Variants in ZC3HAV1 observed in about 807,000 individuals in gnomAD.
ZC3HAV1 encodes zinc finger CCCH-type containing, antiviral 1.
A neutral mutation model predicts 86.6 loss-of-function variants in ZC3HAV1; 41 were observed. That is an observed-to-expected ratio of 0.47 (90% CI 0.37 to 0.61). The LOEUF (loss-of-function observed/expected upper bound fraction) is 0.61, where lower values mean the gene tolerates loss of function less well. Among genes scored for constraint, ZC3HAV1 ranks in the 20% least tolerant of loss-of-function variants. The pLI is 0.00. For missense variants in ZC3HAV1, 964 were observed against 1,141.1 expected (o/e 0.84, Z 2.24); for synonymous variants, 421 against 432.1 (o/e 0.97, Z 0.32).
intron 12 of ZC3HAV1, chr7:139,049,584 G>A (rs180723875): frequency 2.0e-5 from 3 of 152,546 alleles, no homozygotes; most frequent in Non-Finnish European, 4.4e-5. Context: ...GTGGCAGGGG[G>A]AGCTTAGGCA....
chr7:139,056,592 G>A lies in ZC3HAV1; in HGVS notation c.2097-1297C>T, dbSNP rs2130669990. On this transcript the variant is annotated intron_variant, in intron 9 of 12. Transcript: ENST00000242351. ...TTTTTAAAAAGTTTTTGTAGAGATG[G>A]GGTCTCAACTCACCATGTTGCCCAG... 2.0e-5 allele frequency among the ~76,000 whole-genome samples: 3 copies of A among 150,990 alleles called. No homozygotes were observed. In the South Asian group the frequency reaches 6.3e-4, roughly 32 times the overall value.
intron 7 of ZC3HAV1, 147 bp from the exon 8 acceptor site, chr7:139,065,146 T>C (rs975248094): frequency 2.9e-6 from 3 of 1,036,374 alleles, no homozygotes; most frequent in South Asian, 1.7e-5. Flanking sequence ...CTCAGGGCTA[T>C]GTCACAGACT....
chr7:139,060,581 C>T, intron 9 of ZC3HAV1: 1 of 1,012,652 alleles, frequency 9.9e-7, no homozygotes, highest in Non-Finnish European at 1.2e-6. Context: ...TGGCTCATGC[C>T]TGTAATCCCA....
Position 139,054,086 on chromosome 7 carries a change from T to A in ZC3HAV1, c.2197A>T (p.Ile733Phe). 1 of 1,574,596 alleles carries A rather than the reference T, an allele frequency of 6.4e-7. No homozygotes were observed. The highest frequency in any genetic ancestry group is 2.3e-5 in the East Asian group (1 of 43,404). Residue 733 changes from isoleucine to phenylalanine, a missense_variant, in exon 11 of 13, where the codon ATC becomes TTC. Coordinates refer to ENST00000242351, the MANE Select transcript of ZC3HAV1 (RefSeq NM_020119.4). ...LSSKKYKLSE[I>F]HHLHPEYVRV... ...ACATATTCTGGATGTAGGTGATGGA[T>A]CTCTGACAACTAATAAAGTTTAAAA... is the stretch of plus-strand genomic sequence containing the variant.
intron 12 of ZC3HAV1, among the ~76,000 whole-genome samples, chr7:139,051,621 G>A (rs1199218063): frequency 4.0e-5 from 6 of 151,804 alleles, no homozygotes; most frequent in Non-Finnish European, 7.4e-5. Flanking sequence ...ATAAGGTCTC[G>A]CCATGTTGCC....
rs565384078 is a variant in ZC3HAV1 at position 139,107,143 on chromosome 7, G to C, written c.308+1881C>G. ...AACCATGTTATTTGGTGTAGTGCTA[G>C]AACATGCTAGAATGTTCCTTCCTTT... On this transcript the variant is annotated intron_variant, in intron 1 of 12. Coordinates refer to ENST00000242351, the MANE Select transcript of ZC3HAV1 (RefSeq NM_020119.4). Among the ~76,000 whole-genome samples the C allele has an allele frequency of 1.7e-3, 253 of 152,300 alleles. 1 individual carries two copies. Among genetic ancestry groups the C allele is most frequent in the African/African-American group, 6.0e-3 (249 of 41,568 alleles).
intron 11 of ZC3HAV1, 135 bp downstream of exon 11, chr7:139,053,827 GAAA>G (rs34548487): frequency 4.6e-4 from 380 of 817,790 alleles, no homozygotes; most frequent in Middle Eastern, 7.8e-4. Context: ...TTGATAGAAT[GAAA>G]AAAAAAAAAA....
chr7:139,102,220 T>G (rs1341422784), intron 1 of ZC3HAV1, among the ~76,000 whole-genome samples: 1 of 152,120 alleles, frequency 6.6e-6, no homozygotes, highest in Non-Finnish European at 1.5e-5. Context: ...CGCAGCCTTG[T>G]CCTCCCAGGC....
chr7:139,104,043 T>A (rs899817467), intron 1 of ZC3HAV1, among the ~76,000 whole-genome samples: 11 of 152,192 alleles, frequency 7.2e-5, no homozygotes, highest in Non-Finnish European at 1.5e-4. Context: ...CTGTTATGAT[T>A]GTTTAGTATA....
Position 139,054,109 on chromosome 7 carries a change from A to G in ZC3HAV1, c.2188-14T>C, listed in dbSNP as rs761837124. The G allele has an allele frequency of 1.0e-5, 16 of 1,554,252 alleles. No individual in the cohort carries two copies. In the South Asian group the frequency reaches 1.7e-4, roughly 17 times the overall value. On this transcript the variant is annotated splice_polypyrimidine_tract_variant and intron_variant, in intron 10 of 12. Transcript: ENST00000242351. ...GATCTCTGACAACTAATAAAGTTTA[A>G]AAATAGATAAATGTGAAATAGGAAA...
At chr7:139,097,311 G>A (rs1187912830) in intron 1 of ZC3HAV1, among the ~76,000 whole-genome samples, 18 of 144,714 alleles carry the variant, frequency 1.2e-4, no homozygotes, top group African/African-American at 4.4e-4. Flanking sequence ...GCATGTCAAA[G>A]TTTGAGAAGC....
chr7:139,077,283 G>A (rs746524332), intron 5 of ZC3HAV1, among the ~76,000 whole-genome samples: 14 of 152,042 alleles, frequency 9.2e-5, no homozygotes, highest in Non-Finnish European at 1.3e-4. Flanking sequence ...TCACTCTGTC[G>A]CCCAGGCTGG....
At position 139,043,899 on chromosome 7, in the gene ZC3HAV1, T is replaced by C. The variant is rs1172213393; in HGVS notation, c.*3695A>G. ...CAATCTAAGGATGCTAGATATTCAG[T>C]AGGTCAGTGGAAAAAATCAGTGGTT... On this transcript the variant is annotated 3_prime_UTR_variant, in exon 13 of 13. Coordinates refer to ENST00000242351, the MANE Select transcript of ZC3HAV1 (RefSeq NM_020119.4). The C allele has an allele frequency of 1.3e-5, 2 of 152,220 alleles. No individual in the cohort carries two copies. Among genetic ancestry groups the C allele is most frequent in the African/African-American group, 4.8e-5 (2 of 41,464 alleles). 9.4% of individuals were successfully genotyped at this position (152,220 alleles called of 1,614,324 possible). A position where few individuals can be genotyped will look rare whatever the true frequency, so the allele number is the denominator to read the frequency against.
intron 12 of ZC3HAV1, among the ~76,000 whole-genome samples, chr7:139,051,702 G>C (rs1054027902): frequency 1.3e-5 from 2 of 152,180 alleles, no homozygotes; most frequent in African/African-American, 4.8e-5. Flanking sequence ...GGAATTACAG[G>C]TCTAAGCTAC....
rs1052947654 is a variant in ZC3HAV1 at position 139,059,841 on chromosome 7, C to T, written c.2096+1195G>A. On this transcript the variant is annotated intron_variant, in intron 9 of 12. Transcript: ENST00000242351. ...AGCAGGGGAATAAAAATAATAATAA[C>T]CAGAGCAGTTAACATTTTCTGAACA... Among the ~76,000 whole-genome samples the T allele has an allele frequency of 4.6e-5, 7 of 152,080 alleles. No individual in the cohort carries two copies. The East Asian group carries it at 7.7e-4, about 17-fold the overall frequency.
chr7:139,058,485 C>T (rs990959485), intron 9 of ZC3HAV1, among the ~76,000 whole-genome samples: 5 of 142,092 alleles, frequency 3.5e-5, no homozygotes, highest in African/African-American at 1.3e-4. Flanking sequence ...TTCAAGAGCT[C>T]TGAGGAGCTG....
At chr7:139,105,881 G>A (rs772281120) in intron 1 of ZC3HAV1, among the ~76,000 whole-genome samples, 7 of 151,796 alleles carry the variant, frequency 4.6e-5, no homozygotes, top group Non-Finnish European at 7.4e-5. Flanking sequence ...CATAAGTAGG[G>A]AGGAAAAAAA....
chr7:139,062,353 A>C (rs1816466559), intron 8 of ZC3HAV1, among the ~76,000 whole-genome samples: 1 of 152,176 alleles, frequency 6.6e-6, no homozygotes, highest in Non-Finnish European at 1.5e-5. Flanking sequence ...CTTACAGACC[A>C]TCTACCTGTT....
rs527733810 is a variant in ZC3HAV1 at position 139,066,537 on chromosome 7, C to T, written c.1873-1538G>A. ...GACAAGGACGCTGACTTTAGCAGAA[C>T]GTTCTAACTTACTGCAGCCAACAAT... On this transcript the variant is annotated intron_variant, in intron 7 of 12. Transcript: ENST00000242351. Among the ~76,000 whole-genome samples, 6 of 152,292 alleles carry T rather than the reference C, an allele frequency of 3.9e-5. No homozygotes were observed. The South Asian group carries it at 8.3e-4, about 21-fold the overall frequency.
Sources: gnomAD v4.1 joint callset for allele counts (sites outside exome capture counted in the v4.1 genomes callset) on GRCh38, gnomAD v4.1.1 for gene constraint, MANE v1.5 for transcripts, NCBI Gene and HGNC (gene_info 2026-07-23, HGNC 2026-07-21) for gene names.